Variants in SORCS2 observed in about 807,000 individuals in gnomAD.
The protein encoded by SORCS2 is VPS10 domain-containing receptor SorCS2.
A neutral mutation model predicts 141.6 loss-of-function variants in SORCS2; 100 were observed. That is an observed-to-expected ratio of 0.71 (90% CI 0.60 to 0.83). The LOEUF (loss-of-function observed/expected upper bound fraction) is 0.83, where lower values mean the gene tolerates loss of function less well. Ranked by LOEUF, SORCS2 falls within the 40% of genes least tolerant of loss-of-function variation. The probability of loss-of-function intolerance (pLI) is 0.00; values close to 1 mark genes in which losing one functional copy is unlikely to be tolerated. For synonymous variants in SORCS2, 789 were observed against 676.9 expected (o/e 1.17, Z -2.57); for missense variants, 1,646 against 1,560.2 (o/e 1.05, Z -0.93).
chr4:7,521,508 A>T (rs1261779287), intron 2 of SORCS2, among the ~76,000 whole-genome samples: 1 of 151,894 alleles, frequency 6.6e-6, no homozygotes, highest in African/African-American at 2.4e-5. Flanking sequence ...TTCCTCTCTG[A>T]TCCTGGGAGG....
intron 1 of SORCS2, among the ~76,000 whole-genome samples, chr4:7,309,666 G>A (rs1453104877): frequency 6.6e-6 from 1 of 152,206 alleles, no homozygotes; most frequent in Non-Finnish European, 1.5e-5. Flanking sequence ...ATGGAATTCG[G>A]TTTGAGGAGT....
chr4:7,507,041 G>A (rs1732314009), intron 2 of SORCS2, among the ~76,000 whole-genome samples: 1 of 152,168 alleles, frequency 6.6e-6, no homozygotes. Flanking sequence ...AGTGGCAGGA[G>A]GTTGTGACTG....
chr4:7,537,163 TG>T (rs1344618701), intron 3 of SORCS2, among the ~76,000 whole-genome samples: 1 of 152,212 alleles, frequency 6.6e-6, no homozygotes, highest in Non-Finnish European at 1.5e-5. Flanking sequence ...GGGCGCAGTC[TG>T]GGGGCTGCTG....
At chr4:7,683,628 T>C (rs1338088845) in intron 10 of SORCS2, among the ~76,000 whole-genome samples, 1 of 152,190 alleles carries the variant, frequency 6.6e-6, no homozygotes, top group East Asian at 1.9e-4. Flanking sequence ...GACCTGGGAA[T>C]TGTACTCTGC....
At chr4:7,619,424 C>CTT (rs1718998887) in intron 3 of SORCS2, among the ~76,000 whole-genome samples, 1 of 152,174 alleles carries the variant, frequency 6.6e-6, no homozygotes, top group South Asian at 2.1e-4. Context: ...AGACATTTCC[C>CTT]TTAAAACAGT....
chr4:7,396,141 C>A, intron 1 of SORCS2, 147 bp from the exon 2 acceptor site: 2 of 646,238 alleles, frequency 3.1e-6, no homozygotes, highest in Non-Finnish European at 5.4e-6. Flanking sequence ...TGGCCCAGAG[C>A]CTCTCAGGGA....
chr4:7,570,793 C>T (rs934463655), intron 3 of SORCS2, among the ~76,000 whole-genome samples: 10 of 152,306 alleles, frequency 6.6e-5, no homozygotes, highest in Admixed American at 5.2e-4. Flanking sequence ...TTAATCAGTG[C>T]CCGAAGCCAG....
intron 5 of SORCS2, among the ~76,000 whole-genome samples, chr4:7,660,387 C>T (rs1470673089): frequency 6.6e-6 from 1 of 152,240 alleles, no homozygotes; most frequent in East Asian, 1.9e-4. Flanking sequence ...AGGCCCGCAG[C>T]GGGCCTTGGA....
intron 8 of SORCS2, among the ~76,000 whole-genome samples, chr4:7,668,495 G>C (rs770579222): frequency 2.0e-4 from 31 of 152,184 alleles, no homozygotes; most frequent in Admixed American, 5.9e-4. Flanking sequence ...GGGGCCAGCA[G>C]CTCTGGGCCC....
chr4:7,211,923 A>G (rs1288685927), intron 1 of SORCS2, among the ~76,000 whole-genome samples: 2 of 152,102 alleles, frequency 1.3e-5, no homozygotes, highest in African/African-American at 2.4e-5. Context: ...TTTTTGTAGT[A>G]GTGGAAGGAG....
chr4:7,418,151 A>G (rs747729461), intron 2 of SORCS2, among the ~76,000 whole-genome samples: 4 of 151,902 alleles, frequency 2.6e-5, no homozygotes, highest in African/African-American at 4.8e-5. Context: ...AGTTTTTCTG[A>G]GCGCTCAGCA....
chr4:7,236,487 G>T (rs769419528), intron 1 of SORCS2, among the ~76,000 whole-genome samples: 1 of 152,182 alleles, frequency 6.6e-6, no homozygotes, highest in Non-Finnish European at 1.5e-5. Flanking sequence ...GGTTGATGGC[G>T]TAGGTGAGGG....
At chr4:7,364,870 G>A (rs780341955) in intron 1 of SORCS2, among the ~76,000 whole-genome samples, 8 of 152,220 alleles carry the variant, frequency 5.3e-5, no homozygotes, top group Non-Finnish European at 1.2e-4. Context: ...CATAACGGGG[G>A]CACTTGAGCT....
rs1164532127 is a variant in SORCS2 at position 7,663,526 on chromosome 4, G to T, written c.953-827G>T. Among the ~76,000 whole-genome samples the T allele has an allele frequency of 6.6e-6, 1 of 152,240 alleles. No homozygotes were observed. The highest frequency in any genetic ancestry group is 1.5e-5 in the Non-Finnish European group (1 of 68,046). On this transcript the variant is annotated intron_variant, in intron 6 of 26. Transcript: ENST00000507866. This position sits in a 1 kb window ranked among gnomAD's most constrained non-coding sequence, Gnocchi z 4.8. ...CAGGAGGGCTTGGCAGTGGCCTGGT[G>T]CTGCTGCCCACGTACCCTCTGTGTA...
At chr4:7,205,669 CAA>C (rs1727689850) in intron 1 of SORCS2, among the ~76,000 whole-genome samples, 1 of 152,218 alleles carries the variant, frequency 6.6e-6, no homozygotes, top group Non-Finnish European at 1.5e-5. Context: ...TGGTTGAAAA[CAA>C]AGAGGCCATT....
At chr4:7,516,766 C>G (rs547878429) in intron 2 of SORCS2, among the ~76,000 whole-genome samples, 6 of 152,200 alleles carry the variant, frequency 3.9e-5, no homozygotes, top group Admixed American at 1.3e-4. Flanking sequence ...CTCCCCTTCT[C>G]GGCATGGTCC....
intron 3 of SORCS2, among the ~76,000 whole-genome samples, chr4:7,558,381 C>A (rs1176935009): frequency 6.6e-6 from 1 of 152,026 alleles, no homozygotes; most frequent in Non-Finnish European, 1.5e-5. Flanking sequence ...AAAAATGTAC[C>A]CAGACATTGC....
chr4:7,645,975 T>A (rs558245915), intron 4 of SORCS2, among the ~76,000 whole-genome samples: 1 of 152,204 alleles, frequency 6.6e-6, no homozygotes, highest in African/African-American at 2.4e-5. Flanking sequence ...CTGAAAATAT[T>A]TACTACCTGG....
chr4:7,263,458 G>T (rs927534192), intron 1 of SORCS2, among the ~76,000 whole-genome samples: 1 of 152,242 alleles, frequency 6.6e-6, no homozygotes, highest in Non-Finnish European at 1.5e-5. Flanking sequence ...CTGGCCGGGT[G>T]TTCATCATCG....
Sources: gnomAD v4.1 joint callset for allele counts (sites outside exome capture counted in the v4.1 genomes callset) on GRCh38, gnomAD v4.1.1 for gene constraint, Gnocchi (gnomAD v3.1) non-coding constraint, MANE v1.5 for transcripts, NCBI Gene and HGNC (gene_info 2026-07-23, HGNC 2026-07-21) for gene names.